The following MARCHF1 variants were observed in gnomAD, a reference collection of about 807,000 sequenced individuals.
The protein encoded by MARCHF1 is E3 ubiquitin-protein ligase MARCHF1.
Under a neutral mutation model 54.2 loss-of-function variants are expected in MARCHF1, and 40 were observed. The ratio of observed to expected loss-of-function variants is 0.74; its 90% CI spans 0.57 to 0.96. The LOEUF (loss-of-function observed/expected upper bound fraction) is 0.96. Ranked by LOEUF, MARCHF1 falls within the 40% of genes least tolerant of loss-of-function variation. The probability of loss-of-function intolerance (pLI) is 0.00; values close to 1 mark genes in which losing one functional copy is unlikely to be tolerated. For missense variants in MARCHF1, 586 were observed against 656.5 expected (o/e 0.89, Z 1.17); for synonymous variants, 236 against 236.3 (o/e 1.00, Z 0.01).
intron 4 of MARCHF1, among the ~76,000 whole-genome samples, chr4:163,797,775 T>C (rs752624764): frequency 5.9e-5 from 9 of 152,154 alleles, no homozygotes; most frequent in Non-Finnish European, 1.3e-4. Context: ...TTATCCACAA[T>C]TTATACTTTC....
At chr4:163,798,279 C>T (rs978349424) in intron 4 of MARCHF1, among the ~76,000 whole-genome samples, 2 of 152,072 alleles carry the variant, frequency 1.3e-5, no homozygotes, top group Non-Finnish European at 2.9e-5. Flanking sequence ...AGAAGACAAC[C>T]GTCTGCAAGC....
At chr4:164,171,059 A>C (rs1730512531) in intron 1 of MARCHF1, among the ~76,000 whole-genome samples, 1 of 152,204 alleles carries the variant, frequency 6.6e-6, no homozygotes, top group African/African-American at 2.4e-5. Flanking sequence ...ATTTTATAGT[A>C]ACCAACATAT....
At chr4:163,679,436 A>G (rs1744024277) in intron 5 of MARCHF1, among the ~76,000 whole-genome samples, 1 of 152,072 alleles carries the variant, frequency 6.6e-6, no homozygotes, top group Non-Finnish European at 1.5e-5. Flanking sequence ...GGTAATAAAG[A>G]CAGAAATCTG....
intron 8 of MARCHF1, among the ~76,000 whole-genome samples, chr4:163,577,137 G>A (rs550407388): frequency 6.6e-6 from 1 of 152,104 alleles, no homozygotes; most frequent in East Asian, 1.9e-4. Flanking sequence ...TTTCTATTGT[G>A]TGGTTGCTTT....
intron 1 of MARCHF1, among the ~76,000 whole-genome samples, chr4:164,273,315 T>G (rs1483057982): frequency 2.0e-5 from 3 of 152,074 alleles, no homozygotes; most frequent in African/African-American, 4.8e-5. Context: ...CCATCAAATC[T>G]TGTGAGAACT....
intron 1 of MARCHF1, among the ~76,000 whole-genome samples, chr4:164,161,938 G>A (rs1252207115): frequency 2.0e-5 from 3 of 152,126 alleles, no homozygotes; most frequent in Non-Finnish European, 4.4e-5. Flanking sequence ...ATCATTTGGA[G>A]AAACCCATGT....
rs926538740 is a variant in MARCHF1 at position 163,872,906 on chromosome 4, T to C, written c.-38-18737A>G. 5.1e-4 allele frequency among the ~76,000 whole-genome samples: 77 copies of C among 151,612 alleles called. 1 individual carries two copies. Among genetic ancestry groups the C allele is most frequent in the Non-Finnish European group, 1.8e-4 (12 of 67,884 alleles). ...AAAAATACAAAAAATTAGCCGGGCG[T>C]GGTGGCGGGCGCCTGTAGTCCCAGC... On this transcript the variant is annotated intron_variant, in intron 3 of 9. Coordinates refer to ENST00000514618, the MANE Select transcript of MARCHF1 (RefSeq NM_001394959.1).
intron 5 of MARCHF1, among the ~76,000 whole-genome samples, chr4:163,648,589 G>T (rs1742846409): frequency 7.0e-6 from 1 of 142,402 alleles, no homozygotes; most frequent in Non-Finnish European, 1.5e-5. Context: ...TATAGCAGGG[G>T]TAGCAAATTA....
At chr4:164,008,423 C>T (rs1753343057) in intron 2 of MARCHF1, among the ~76,000 whole-genome samples, 1 of 151,982 alleles carries the variant, frequency 6.6e-6, no homozygotes, top group Non-Finnish European at 1.5e-5. Flanking sequence ...ATGGACAAGT[C>T]ATCTAGACAG....
intron 2 of MARCHF1, among the ~76,000 whole-genome samples, chr4:164,053,894 G>A (rs1446836980): frequency 1.3e-5 from 2 of 152,136 alleles, no homozygotes; most frequent in Admixed American, 1.3e-4. Flanking sequence ...AACACCAAAA[G>A]CAATGGCAAC....
chr4:163,840,496 G>GTGA (rs1207784611), intron 4 of MARCHF1, among the ~76,000 whole-genome samples: 7 of 152,220 alleles, frequency 4.6e-5, no homozygotes, highest in Admixed American at 3.9e-4. Flanking sequence ...CACTCAGGTA[G>GTGA]TGAGCATAGT....
chr4:163,730,674 T>C (rs1366746709), intron 4 of MARCHF1, among the ~76,000 whole-genome samples: 3 of 152,140 alleles, frequency 2.0e-5, no homozygotes, highest in Non-Finnish European at 2.9e-5. Context: ...CCTACTTTTT[T>C]ATTTTTATTT....
intron 4 of MARCHF1, among the ~76,000 whole-genome samples, chr4:163,810,528 C>A (rs1409100487): frequency 6.6e-6 from 1 of 152,150 alleles, no homozygotes; most frequent in African/African-American, 2.4e-5. Flanking sequence ...CTTGGGTTAA[C>A]AATTGCTAGT....
intron 4 of MARCHF1, among the ~76,000 whole-genome samples, chr4:163,768,739 C>G (rs1747063272): frequency 6.6e-6 from 1 of 152,102 alleles, no homozygotes; most frequent in Non-Finnish European, 1.5e-5. Context: ...TAATATGTTT[C>G]TGAAAACTAA....
intron 2 of MARCHF1, among the ~76,000 whole-genome samples, chr4:164,082,637 C>T (rs1439394958): frequency 6.6e-6 from 1 of 152,076 alleles, no homozygotes; most frequent in East Asian, 1.9e-4. Context: ...CCACAAAAGA[C>T]ATCAAGTAAT....
intron 2 of MARCHF1, among the ~76,000 whole-genome samples, chr4:164,109,322 T>C (rs1755779126): frequency 6.6e-6 from 1 of 152,034 alleles, no homozygotes; most frequent in Non-Finnish European, 1.5e-5. Context: ...GAAGGGATTT[T>C]CAAAGTGCTA....
chr4:164,095,897 T>C (rs1579528685), intron 2 of MARCHF1, among the ~76,000 whole-genome samples: 1 of 152,040 alleles, frequency 6.6e-6, no homozygotes, highest in Admixed American at 6.5e-5. Flanking sequence ...ATAGCTACGA[T>C]TAAGAAGTCA....
chr4:163,536,229 G>A (rs1738524546), intron 9 of MARCHF1, among the ~76,000 whole-genome samples: 2 of 152,142 alleles, frequency 1.3e-5, no homozygotes, highest in South Asian at 4.1e-4. Flanking sequence ...GAGATGAAAT[G>A]TGCTTTATTT....
intron 1 of MARCHF1, among the ~76,000 whole-genome samples, chr4:164,175,324 A>T (rs1335638486): frequency 2.0e-5 from 3 of 152,244 alleles, no homozygotes; most frequent in Non-Finnish European, 4.4e-5. Context: ...AAATCTAGAC[A>T]TAAATATCCA....
Sources: allele counts gnomAD v4.1 joint callset (sites outside exome capture counted in the v4.1 genomes callset), GRCh38; gene constraint gnomAD v4.1.1; transcripts MANE v1.5; gene names NCBI Gene and HGNC (gene_info 2026-07-23, HGNC 2026-07-21).